The following SNCAIP variants were observed in gnomAD, a reference collection of about 807,000 sequenced individuals.
SNCAIP encodes synuclein alpha interacting protein.
A neutral mutation model predicts 86.7 loss-of-function variants in SNCAIP; 43 were observed. The observed-to-expected ratio is 0.50, with a 90% CI of 0.39 to 0.64. The LOEUF (loss-of-function observed/expected upper bound fraction) is 0.64, where lower values mean the gene tolerates loss of function less well. Ranked by LOEUF, SNCAIP falls within the 30% of genes least tolerant of loss-of-function variation. The pLI, the probability that SNCAIP is intolerant of heterozygous loss-of-function variation, is 0.00. For missense variants in SNCAIP, 981 were observed against 1,103.1 expected, an observed-to-expected ratio of 0.89 and a Z score of 1.57; for synonymous variants, 417 against 427.2, an observed-to-expected ratio of 0.98 and a Z score of 0.29.
rs150271535 is a variant in SNCAIP, at chr5:122,320,444, G to A, written c.-47+8160G>A. 2.1e-3 allele frequency among the ~76,000 whole-genome samples: 327 copies of A among 152,264 alleles called. 4 individuals are homozygous for A. Among genetic ancestry groups the A allele is most frequent in the Non-Finnish European group, 5.0e-4 (34 of 68,020 alleles). ...AGACAGATGTGGGTCCTGAGCTCATGGTATTTATAGCTAGCTTATATCTAG... is the reference window on the plus strand; with the variant it reads ...AGACAGATGTGGGTCCTGAGCTCATAGTATTTATAGCTAGCTTATATCTAG... On this transcript the variant is annotated intron_variant, in intron 1 of 10. Coordinates refer to ENST00000261368, the MANE Select transcript of SNCAIP (RefSeq NM_005460.4).
At chr5:122,444,816 C>G (rs1781925987) in intron 8 of SNCAIP, 84 bp downstream of exon 8, 2 of 1,125,402 alleles carry the variant, frequency 1.8e-6, no homozygotes, top group Admixed American at 1.7e-5. Context: ...GTGCTGAGCA[C>G]TCTTCTTTCC....
intron 2 of SNCAIP, chr5:122,401,211 C>A: frequency 7.5e-7 from 1 of 1,334,682 alleles, no homozygotes; most frequent in Non-Finnish European, 1.0e-6. Context: ...TCCATTTCAG[C>A]TCCCAGATGG....
At chr5:122,450,426 G>C in intron 9 of SNCAIP, 107 bp from the exon 10 acceptor site, 1 of 831,370 alleles carries the variant, frequency 1.2e-6, no homozygotes, top group East Asian at 2.4e-5. Context: ...TCTGTATTCT[G>C]TTCTTATTTA....
At chr5:122,358,686 T>C (rs1761610121) in intron 1 of SNCAIP, among the ~76,000 whole-genome samples, 1 of 152,060 alleles carries the variant, frequency 6.6e-6, no homozygotes, top group South Asian at 2.1e-4. Flanking sequence ...TGGCGCTATT[T>C]TCCTGAGTTT....
intron 8 of SNCAIP, among the ~76,000 whole-genome samples, chr5:122,448,193 A>G (rs1231869273): frequency 6.6e-6 from 1 of 152,194 alleles, no homozygotes; most frequent in African/African-American, 2.4e-5. Flanking sequence ...AAGAAAATTT[A>G]TGATATATTT....
Position 122,423,154 on chromosome 5 carries a change from G to T in SNCAIP, c.417G>T (p.Ser139=). ...PPGKSSEPST[S]LGELEHYDLD... ...GTAAGAGCTCTGAGCCCAGCACATC[G>T]CTGGGTGAACTGGAGCACTACGACC... is the stretch of plus-strand genomic sequence containing the variant. The change falls in exon 4 of 11, where the codon TCG becomes TCT. Residue 139 remains serine (S), a synonymous_variant. Coordinates refer to ENST00000261368, the MANE Select transcript of SNCAIP (RefSeq NM_005460.4). 6.2e-7 allele frequency: 1 copy of T among 1,614,124 alleles called. No homozygotes were observed. Among genetic ancestry groups the T allele is most frequent in the South Asian group, 1.1e-5 (1 of 91,078 alleles).
Position 122,413,377 on chromosome 5 carries a change from C to T in SNCAIP, c.131-9491C>T, listed in dbSNP as rs150810504. 3.9e-3 allele frequency among the ~76,000 whole-genome samples: 598 copies of T among 152,278 alleles called. 2 individuals carry two copies. The highest frequency in any genetic ancestry group is 6.1e-3 in the Non-Finnish European group (413 of 68,028). ...CTCAGATCTTCATAAAATTATCTTT[C>T]CTCTTATATTATCTCCCAGTTTCTC... On this transcript the variant is annotated intron_variant, in intron 3 of 10. Transcript: ENST00000261368.
chr5:122,430,211 C>G (rs556742067), intron 5 of SNCAIP, among the ~76,000 whole-genome samples: 1 of 152,244 alleles, frequency 6.6e-6, no homozygotes, highest in African/African-American at 2.4e-5. Context: ...TAATCCTATT[C>G]TACTAATTTA....
intron 1 of SNCAIP, among the ~76,000 whole-genome samples, chr5:122,353,635 A>T (rs1367852171): frequency 6.6e-6 from 1 of 152,064 alleles, no homozygotes; most frequent in Non-Finnish European, 1.5e-5. Flanking sequence ...GTCTCACAAG[A>T]TCTGATGATT....
chr5:122,385,456 G>C (rs1487138307), intron 1 of SNCAIP, among the ~76,000 whole-genome samples: 1 of 152,168 alleles, frequency 6.6e-6, no homozygotes, highest in African/African-American at 2.4e-5. Context: ...ATCAAAGAGT[G>C]AAAGAAACCA....
intron 3 of SNCAIP, among the ~76,000 whole-genome samples, chr5:122,410,992 A>G (rs1304290523): frequency 6.6e-6 from 1 of 152,222 alleles, no homozygotes. Context: ...CAGTGGAATT[A>G]AGAAAGGAAC....
At chr5:122,370,067 T>A (rs556232809) in intron 1 of SNCAIP, 29 of 152,226 alleles carry the variant, frequency 1.9e-4, no homozygotes, top group Admixed American at 1.9e-3. Context: ...AAGAGAAAAA[T>A]TGTAATGTTC....
chr5:122,445,875 C>T (rs1273109069), intron 8 of SNCAIP, among the ~76,000 whole-genome samples: 1 of 151,866 alleles, frequency 6.6e-6, no homozygotes, highest in Non-Finnish European at 1.5e-5. Context: ...TCTCTCTCTC[C>T]TTCCACTCTT....
chr5:122,389,166 G>A (rs1334016265), intron 1 of SNCAIP: 1 of 152,180 alleles, frequency 6.6e-6, no homozygotes, highest in African/African-American at 2.4e-5. Context: ...ATGGTTATTT[G>A]TTAATTTACT....
At chr5:122,387,789 T>C (rs951185450) in intron 1 of SNCAIP, among the ~76,000 whole-genome samples, 6 of 152,202 alleles carry the variant, frequency 3.9e-5, no homozygotes, top group African/African-American at 1.4e-4. Flanking sequence ...GGTTTTCTTT[T>C]CCTAGTACTA....
At chr5:122,463,172 T>C (rs1786864367) in intron 10 of SNCAIP, among the ~76,000 whole-genome samples, 1 of 152,246 alleles carries the variant, frequency 6.6e-6, no homozygotes, top group African/African-American at 2.4e-5. Flanking sequence ...AACAATACTA[T>C]ACTTCCTATC....
chr5:122,439,316 A>G (rs891284840), intron 6 of SNCAIP, among the ~76,000 whole-genome samples: 1 of 152,118 alleles, frequency 6.6e-6, no homozygotes, highest in Non-Finnish European at 1.5e-5. Context: ...AGTTTCTACC[A>G]TGTCTGTCTC....
intron 3 of SNCAIP, among the ~76,000 whole-genome samples, chr5:122,409,573 T>A (rs550001959): frequency 6.6e-6 from 1 of 152,350 alleles, no homozygotes; most frequent in African/African-American, 2.4e-5. Flanking sequence ...GTTACTTGTA[T>A]GACAATGAGT....
At chr5:122,415,654 A>T (rs931576933) in intron 3 of SNCAIP, among the ~76,000 whole-genome samples, 8 of 152,236 alleles carry the variant, frequency 5.3e-5, no homozygotes, top group African/African-American at 1.9e-4. Flanking sequence ...AGTAACTCAG[A>T]GTCCTTTGTC....
Sources: allele counts gnomAD v4.1 joint callset (sites outside exome capture counted in the v4.1 genomes callset), GRCh38; gene constraint gnomAD v4.1.1; transcripts MANE v1.5; gene names NCBI Gene and HGNC (gene_info 2026-07-23, HGNC 2026-07-21).